Variants in DPYD observed in about 807,000 individuals in gnomAD.
DPYD encodes dihydropyrimidine dehydrogenase [NADP(+)].
DPYD carries 109 observed loss-of-function variants against 116.2 expected under a neutral mutation model. That is an observed-to-expected ratio of 0.94 (90% CI 0.80 to 1.10). The LOEUF (loss-of-function observed/expected upper bound fraction) is 1.10, where lower values mean the gene tolerates loss of function less well. Ranked by LOEUF, DPYD falls within the 50% of genes least tolerant of loss-of-function variation. The probability of loss-of-function intolerance (pLI) is 0.00; values close to 1 mark genes in which losing one functional copy is unlikely to be tolerated. For missense variants in DPYD, 1,302 were observed against 1,254.5 expected (o/e 1.04, Z -0.57); for synonymous variants, 440 against 432.0 (o/e 1.02, Z -0.23).
chr1:97,231,923 T>G (rs914756102), intron 19 of DPYD, among the ~76,000 whole-genome samples: 1 of 152,124 alleles, frequency 6.6e-6, no homozygotes, highest in African/African-American at 2.4e-5. Flanking sequence ...CTCAGGTATT[T>G]CTACATGTGG....
chr1:97,494,822 G>C (rs1436354468), intron 13 of DPYD, among the ~76,000 whole-genome samples: 1 of 151,888 alleles, frequency 6.6e-6, no homozygotes, highest in African/African-American at 2.4e-5. Context: ...AAAGCTTCCA[G>C]GGTGGGTCAC....
intron 16 of DPYD, among the ~76,000 whole-genome samples, chr1:97,311,000 T>A (rs967359569): frequency 3.3e-5 from 5 of 151,760 alleles, no homozygotes; most frequent in Non-Finnish European, 7.4e-5. Context: ...AGACATTATA[T>A]GCATACATTT....
intron 18 of DPYD, among the ~76,000 whole-genome samples, chr1:97,248,150 T>C (rs1248833745): frequency 2.6e-5 from 4 of 152,190 alleles, no homozygotes; most frequent in Admixed American, 1.3e-4. Context: ...CATGATCAAA[T>C]ACAGTTTATC....
At chr1:97,296,510 A>G (rs1045461547) in intron 18 of DPYD, among the ~76,000 whole-genome samples, 7 of 152,198 alleles carry the variant, frequency 4.6e-5, no homozygotes, top group African/African-American at 1.4e-4. Flanking sequence ...TTAAAAAGCC[A>G]TATGTTTCTC....
chr1:97,556,111 C>T (rs941334976), intron 11 of DPYD, among the ~76,000 whole-genome samples: 1 of 152,146 alleles, frequency 6.6e-6, no homozygotes, highest in African/African-American at 2.4e-5. Context: ...TAAGGAGGTC[C>T]TTACTCTCAG....
At chr1:97,510,447 G>A (rs1467605077) in intron 13 of DPYD, among the ~76,000 whole-genome samples, 2 of 151,930 alleles carry the variant, frequency 1.3e-5, no homozygotes, top group Non-Finnish European at 2.9e-5. Flanking sequence ...AGAATCCTCA[G>A]TAAAAAGAAA....
intron 11 of DPYD, among the ~76,000 whole-genome samples, chr1:97,566,974 T>C (rs1255903702): frequency 6.6e-6 from 1 of 152,166 alleles, no homozygotes; most frequent in East Asian, 1.9e-4. Flanking sequence ...CTACCATTTT[T>C]GAATACCTAA....
chr1:97,121,133 C>T (rs1044511081), intron 20 of DPYD, among the ~76,000 whole-genome samples: 6 of 152,160 alleles, frequency 3.9e-5, no homozygotes, highest in Admixed American at 3.9e-4. Context: ...GAGGTCAACT[C>T]CACACCACAC....
At chr1:97,185,786 T>C (rs1221557656) in intron 20 of DPYD, among the ~76,000 whole-genome samples, 2 of 152,234 alleles carry the variant, frequency 1.3e-5, no homozygotes, top group East Asian at 1.9e-4. Context: ...TGGTGGCAGG[T>C]GCTAGATGGT....
At chr1:97,549,842 T>C in intron 11 of DPYD, 98 bp from the exon 12 acceptor site, 1 of 1,098,192 alleles carries the variant, frequency 9.1e-7, no homozygotes, top group South Asian at 1.5e-5. Context: ...TTAATTATTG[T>C]TCCAGGGATT....
intron 16 of DPYD, among the ~76,000 whole-genome samples, chr1:97,334,712 T>C (rs1286481979): frequency 1.3e-5 from 2 of 152,166 alleles, no homozygotes; most frequent in African/African-American, 2.4e-5. Flanking sequence ...GCTGACCACA[T>C]AGTAGGAGCT....
At chr1:97,357,230 T>C (rs1049493998) in intron 16 of DPYD, among the ~76,000 whole-genome samples, 2 of 152,194 alleles carry the variant, frequency 1.3e-5, no homozygotes, top group African/African-American at 4.8e-5. Flanking sequence ...GGTAAGTTTC[T>C]CACCTCCTTG....
chr1:97,813,688 A>T (rs545674419), intron 3 of DPYD, among the ~76,000 whole-genome samples: 1 of 152,168 alleles, frequency 6.6e-6, no homozygotes, highest in Non-Finnish European at 1.5e-5. Flanking sequence ...AATGTCCCTT[A>T]AAGTGGGACA....
chr1:97,383,342 T>C (rs1408104355), intron 14 of DPYD, among the ~76,000 whole-genome samples: 3 of 151,706 alleles, frequency 2.0e-5, no homozygotes, highest in African/African-American at 7.3e-5. Flanking sequence ...CCAGGTGTGG[T>C]GGCGTGTGCC....
intron 19 of DPYD, among the ~76,000 whole-genome samples, chr1:97,194,076 A>G (rs1197986566): frequency 6.6e-6 from 1 of 152,222 alleles, no homozygotes; most frequent in African/African-American, 2.4e-5. Flanking sequence ...TATTTTGGTC[A>G]CTATATTATC....
chr1:97,472,153 A>G (rs1677700186), intron 13 of DPYD, among the ~76,000 whole-genome samples: 1 of 152,238 alleles, frequency 6.6e-6, no homozygotes, highest in Non-Finnish European at 1.5e-5. Context: ...TAATGTGCAC[A>G]ATAATTAGAA....
At position 97,883,273 on chromosome 1, in the gene DPYD, C is replaced by T. The variant is rs746681994; in HGVS notation, c.141G>A (p.Lys47=). ...TATCAGTGGTACTTACAAAGCAGTT[C>T]TTATCAGGATTTCTTTTCCAATGTT... ...DKKHWKRNPD[K]NCFNCEKLEN... The change falls in exon 2 of 23, where the codon AAG becomes AAA. Residue 47 remains lysine (K), a synonymous_variant. Coordinates refer to ENST00000370192, the MANE Select transcript of DPYD (RefSeq NM_000110.4). 1 of 1,606,808 alleles carries T rather than the reference C, an allele frequency of 6.2e-7. No homozygotes were observed. The highest frequency in any genetic ancestry group is 1.7e-5 in the Admixed American group (1 of 59,896).
At chr1:97,809,132 A>G (rs919347220) in intron 3 of DPYD, among the ~76,000 whole-genome samples, 3 of 152,192 alleles carry the variant, frequency 2.0e-5, no homozygotes, top group Non-Finnish European at 2.9e-5. Flanking sequence ...TTTGAACAGA[A>G]GAGAAATATG....
chr1:97,807,901 G>A (rs1333067180), intron 3 of DPYD, among the ~76,000 whole-genome samples: 4 of 151,912 alleles, frequency 2.6e-5, no homozygotes, highest in Admixed American at 2.6e-4. Context: ...CGATTGAAAT[G>A]CCTTTGCACC....
Sources: allele counts gnomAD v4.1 joint callset (sites outside exome capture counted in the v4.1 genomes callset), GRCh38; gene constraint gnomAD v4.1.1; transcripts MANE v1.5; gene names NCBI Gene and HGNC (gene_info 2026-07-23, HGNC 2026-07-21).